KCNIP4: variants seen among roughly 807,000 people sequenced by gnomAD.
The protein encoded by KCNIP4 is Kv channel-interacting protein 4.
Under a neutral mutation model 34.0 loss-of-function variants are expected in KCNIP4, and 12 were observed. The ratio of observed to expected loss-of-function variants is 0.35; its 90% CI spans 0.23 to 0.57. The LOEUF is 0.57. Among genes scored for constraint, KCNIP4 ranks in the 20% least tolerant of loss-of-function variants. The pLI is 0.83. For missense variants in KCNIP4, 238 were observed against 311.7 expected (o/e 0.76, Z 1.78); for synonymous variants, 124 against 102.2 (o/e 1.21, Z -1.29).
chr4:21,910,464 C>T (rs1434815496), intron 1 of KCNIP4, among the ~76,000 whole-genome samples: 2 of 152,126 alleles, frequency 1.3e-5, no homozygotes, highest in Admixed American at 6.6e-5. Context: ...CATATCCAGT[C>T]TCCTGATTTC....
At chr4:21,654,149 G>A (rs1406237758) in intron 1 of KCNIP4, among the ~76,000 whole-genome samples, 1 of 152,116 alleles carries the variant, frequency 6.6e-6, no homozygotes, top group East Asian at 1.9e-4. Context: ...AATACTTTCT[G>A]CTCATTCACA....
At chr4:21,703,145 A>T (rs956649768) in intron 1 of KCNIP4, among the ~76,000 whole-genome samples, 2 of 152,148 alleles carry the variant, frequency 1.3e-5, no homozygotes, top group African/African-American at 4.8e-5. Context: ...TAGTAACATT[A>T]TGATTAATGG....
chr4:20,754,941 CAGAT>C (rs1560439856), intron 4 of KCNIP4, among the ~76,000 whole-genome samples: 2 of 152,090 alleles, frequency 1.3e-5, no homozygotes, highest in African/African-American at 2.4e-5. Flanking sequence ...GGTAGGCACT[CAGAT>C]AGTAAATATA....
At chr4:21,391,962 T>C (rs1722599851) in intron 1 of KCNIP4, among the ~76,000 whole-genome samples, 1 of 152,210 alleles carries the variant, frequency 6.6e-6, no homozygotes, top group Non-Finnish European at 1.5e-5. Flanking sequence ...ACTGCTATCC[T>C]GTAAACTGTC....
intron 1 of KCNIP4, among the ~76,000 whole-genome samples, chr4:21,920,903 G>T (rs768018259): frequency 2.0e-5 from 3 of 149,780 alleles, no homozygotes; most frequent in Non-Finnish European, 4.4e-5. Context: ...CTTCCTAGAA[G>T]CTGTCTAGTT....
At chr4:21,251,875 G>GT (rs557107122) in intron 1 of KCNIP4, among the ~76,000 whole-genome samples, 3,044 of 147,782 alleles carry the variant, frequency 0.021, 80 homozygotes, top group East Asian at 0.16. Context: ...GGTGTGGGGA[G>GT]GGGGGAGGGA....
chr4:20,908,341 G>A (rs999672726), intron 1 of KCNIP4, among the ~76,000 whole-genome samples: 1 of 152,058 alleles, frequency 6.6e-6, no homozygotes, highest in African/African-American at 2.4e-5. Context: ...CTCGTGATCC[G>A]CCTGCCTCAG....
intron 3 of KCNIP4, among the ~76,000 whole-genome samples, chr4:20,779,940 T>C (rs568881068): frequency 6.6e-6 from 1 of 152,312 alleles, no homozygotes; most frequent in African/African-American, 2.4e-5. Flanking sequence ...TTTCAGACTT[T>C]CGACCTCTAG....
At chr4:21,759,856 A>G (rs1377176019) in intron 1 of KCNIP4, among the ~76,000 whole-genome samples, 1 of 152,002 alleles carries the variant, frequency 6.6e-6, no homozygotes, top group Non-Finnish European at 1.5e-5. Flanking sequence ...GGAGGAACGG[A>G]ATTATAACAC....
At chr4:21,431,076 G>A (rs1245917437) in intron 1 of KCNIP4, among the ~76,000 whole-genome samples, 1 of 151,952 alleles carries the variant, frequency 6.6e-6, no homozygotes, top group Non-Finnish European at 1.5e-5. Context: ...GGAGGCTGAG[G>A]TTGATTGTCA....
chr4:20,743,002 TATA>T (rs1252287894), intron 5 of KCNIP4, among the ~76,000 whole-genome samples: 1 of 151,796 alleles, frequency 6.6e-6, no homozygotes, highest in African/African-American at 2.4e-5. Context: ...GAATCCAACT[TATA>T]TGGGATGTGA....
chr4:20,864,269 T>C (rs563922949), intron 2 of KCNIP4, among the ~76,000 whole-genome samples: 5 of 151,650 alleles, frequency 3.3e-5, no homozygotes, highest in East Asian at 1.9e-4. Flanking sequence ...CATATGTATG[T>C]ACACATATGT....
At chr4:21,487,597 T>C (rs895656515) in intron 1 of KCNIP4, among the ~76,000 whole-genome samples, 5 of 152,164 alleles carry the variant, frequency 3.3e-5, no homozygotes, top group African/African-American at 1.2e-4. Flanking sequence ...TCTGTGAGGT[T>C]AGGAAATCCA....
chr4:20,819,357 A>C (rs1345455279), intron 3 of KCNIP4, among the ~76,000 whole-genome samples: 1 of 152,160 alleles, frequency 6.6e-6, no homozygotes, highest in African/African-American at 2.4e-5. Context: ...GGGACACAAC[A>C]TCTGCTCCCA....
chr4:20,880,043 A>C (rs1724500709), intron 2 of KCNIP4, among the ~76,000 whole-genome samples: 1 of 152,214 alleles, frequency 6.6e-6, no homozygotes, highest in Non-Finnish European at 1.5e-5. Flanking sequence ...CTTGCCATTA[A>C]AAATGATTTT....
At chr4:21,942,524 C>T (rs1165789614) in intron 1 of KCNIP4, among the ~76,000 whole-genome samples, 1 of 152,174 alleles carries the variant, frequency 6.6e-6, no homozygotes, top group African/African-American at 2.4e-5. Context: ...AGTCATGGTG[C>T]TATAGATGCA....
intron 1 of KCNIP4, among the ~76,000 whole-genome samples, chr4:21,044,435 C>T (rs1742254481): frequency 6.6e-6 from 1 of 152,092 alleles, no homozygotes; most frequent in Non-Finnish European, 1.5e-5. Context: ...CTTCAGCCTC[C>T]CAAGTAGCTG....
At chr4:20,778,081 C>G (rs1756534991) in intron 3 of KCNIP4, among the ~76,000 whole-genome samples, 1 of 152,180 alleles carries the variant, frequency 6.6e-6, no homozygotes, top group Non-Finnish European at 1.5e-5. Context: ...TCAAGTAACT[C>G]AAGGCCTCCA....
At chr4:21,216,152 C>T (rs1169760302) in intron 1 of KCNIP4, among the ~76,000 whole-genome samples, 4 of 152,122 alleles carry the variant, frequency 2.6e-5, no homozygotes, top group Admixed American at 6.5e-5. Context: ...TGCGTTGGTG[C>T]GGGTTTTTAC....
Sources: allele counts gnomAD v4.1 joint callset (sites outside exome capture counted in the v4.1 genomes callset), GRCh38; gene constraint gnomAD v4.1.1; transcripts MANE v1.5; gene names NCBI Gene and HGNC (gene_info 2026-07-23, HGNC 2026-07-21).